Variants in ICOS observed in about 807,000 individuals in gnomAD.
ICOS encodes the protein inducible T-cell costimulator.
A neutral mutation model predicts 24.6 loss-of-function variants in ICOS; 15 were observed. That is an observed-to-expected ratio of 0.61 (90% confidence interval 0.41 to 0.94). The LOEUF (loss-of-function observed/expected upper bound fraction) is 0.94, where lower values mean the gene tolerates loss of function less well. Ranked by LOEUF, ICOS falls within the 40% of genes least tolerant of loss-of-function variation. The probability of loss-of-function intolerance (pLI) is 0.00; values close to 1 mark genes in which losing one functional copy is unlikely to be tolerated. For missense variants in ICOS, 200 were observed against 233.0 expected (o/e 0.86, Z 0.92); for synonymous variants, 89 against 77.5 (o/e 1.15, Z -0.78).
rs990800057 is a variant in ICOS, at chr2:203,960,541, G to C, written c.*942G>C. The C allele has an allele frequency of 6.6e-6, 1 of 152,092 alleles. No individual in the cohort carries two copies. Among genetic ancestry groups the C allele is most frequent in the Non-Finnish European group, 1.5e-5 (1 of 68,028 alleles). The allele number at this position is 152,092 out of a possible 1,614,324, so 9.4% of individuals were successfully genotyped here. On this transcript the variant is annotated 3_prime_UTR_variant, in exon 5 of 5. Coordinates refer to ENST00000316386, the MANE Select transcript of ICOS (RefSeq NM_012092.4). The stretch of plus-strand genomic sequence containing the variant: ...TTCTACCATTATCTATGTTTTCATG[G>C]TGCTATTAATTACAAGTTTAGTTCT...
chr2:203,959,812 C>T lies in ICOS; in HGVS notation c.*213C>T. 2 of 622,400 alleles carry T rather than the reference C, an allele frequency of 3.2e-6. No homozygotes were observed. Among genetic ancestry groups the T allele is most frequent in the East Asian group, 5.7e-5 (2 of 35,336 alleles). 38.6% of individuals were successfully genotyped at this position (622,400 alleles called of 1,614,324 possible). The stretch of plus-strand genomic sequence containing the variant: ...TGCCGAGTCCTCTCAAAACAAACAC[C>T]CTCTTGCAACCAGCTTTGGAGAAAG... On this transcript the variant is annotated 3_prime_UTR_variant, in exon 5 of 5. Coordinates refer to ENST00000316386, the MANE Select transcript of ICOS (RefSeq NM_012092.4).
intron 1 of ICOS, among the ~76,000 whole-genome samples, chr2:203,946,111 A>C (rs1036387684): frequency 6.6e-6 from 1 of 152,216 alleles, no homozygotes; most frequent in African/African-American, 2.4e-5. Context: ...CCCTAGTACA[A>C]TAGTTTCAAA....
At chr2:203,958,441 T>C (rs575270330) in intron 4 of ICOS, among the ~76,000 whole-genome samples, 1 of 152,328 alleles carries the variant, frequency 6.6e-6, no homozygotes, top group Admixed American at 6.5e-5. Flanking sequence ...CTCAGTAACA[T>C]GGAAATTTGA....
chr2:203,951,071 A>G (rs1304102123), intron 1 of ICOS, among the ~76,000 whole-genome samples: 1 of 152,106 alleles, frequency 6.6e-6, no homozygotes, highest in Non-Finnish European at 1.5e-5. Context: ...CAAAAAAAAA[A>G]AAAAGAGTGT....
chr2:203,938,419 C>T (rs77177544), intron 1 of ICOS, among the ~76,000 whole-genome samples: 95 of 152,316 alleles, frequency 6.2e-4, no homozygotes, highest in Middle Eastern at 3.4e-3. Context: ...AGAAAGCAGA[C>T]AGATGTGCCT....
intron 1 of ICOS, among the ~76,000 whole-genome samples, chr2:203,950,944 C>T (rs1689960673): frequency 6.6e-6 from 1 of 151,976 alleles, no homozygotes; most frequent in Non-Finnish European, 1.5e-5. Flanking sequence ...ACTGTAGTCC[C>T]AGCTACTTGG....
At chr2:203,942,832 C>T (rs540122906) in intron 1 of ICOS, among the ~76,000 whole-genome samples, 2 of 152,112 alleles carry the variant, frequency 1.3e-5, no homozygotes, top group Admixed American at 1.3e-4. Flanking sequence ...AGTGTGTGTA[C>T]CCTGGTGTCA....
intron 1 of ICOS, among the ~76,000 whole-genome samples, chr2:203,946,597 G>GT (rs541858718): frequency 3.9e-4 from 59 of 152,082 alleles, no homozygotes; most frequent in Non-Finnish European, 7.1e-4. Flanking sequence ...GGATCTAAAG[G>GT]TTTTAGCTGG....
At chr2:203,955,322 A>G (rs945722015) in intron 1 of ICOS, among the ~76,000 whole-genome samples, 12 of 152,262 alleles carry the variant, frequency 7.9e-5, no homozygotes, top group Non-Finnish European at 1.8e-4. Flanking sequence ...TCTGCCTCCA[A>G]TATGAAAGCT....
chr2:203,945,577 A>G (rs1023737701), intron 1 of ICOS, among the ~76,000 whole-genome samples: 4 of 152,194 alleles, frequency 2.6e-5, no homozygotes, highest in African/African-American at 4.8e-5. Flanking sequence ...TACCTAGGCT[A>G]TGTGGAGTAG....
intron 2 of ICOS, among the ~76,000 whole-genome samples, chr2:203,956,230 G>A (rs1690076341): frequency 6.6e-6 from 1 of 152,024 alleles, no homozygotes; most frequent in Non-Finnish European, 1.5e-5. Flanking sequence ...AAACACATAT[G>A]CTATTAAAAA....
chr2:203,946,665 C>T (rs999837324), intron 1 of ICOS, among the ~76,000 whole-genome samples: 1 of 152,056 alleles, frequency 6.6e-6, no homozygotes, highest in African/African-American at 2.4e-5. Context: ...GTAGGAAGTA[C>T]TTTTTTTTTT....
chr2:203,959,593 C>A lies in ICOS; in HGVS notation c.594C>A (p.Thr198=), dbSNP rs2105756985. Residue 198 remains threonine (T), a synonymous_variant, in exon 5 of 5, where the codon ACC becomes ACA. Transcript: ENST00000316386. ...GCTGAATTTTTGTTACAGATGTGAC[C>A]CTATAATATGGAACTCTGGCACCCA... ...TAKKSRLTDV[T]L is the part of the protein sequence containing the mutation. 1 of 1,612,868 alleles carries A rather than the reference C, an allele frequency of 6.2e-7. No homozygotes were observed. The highest frequency in any genetic ancestry group is 8.5e-7 in the Non-Finnish European group (1 of 1,179,180).
At chr2:203,938,546 G>C (rs752442519) in intron 1 of ICOS, among the ~76,000 whole-genome samples, 25 of 152,234 alleles carry the variant, frequency 1.6e-4, no homozygotes, top group Non-Finnish European at 2.9e-4. Context: ...TATAGTCTAT[G>C]TTCCAGATTT....
intron 1 of ICOS, among the ~76,000 whole-genome samples, chr2:203,942,237 A>G (rs1183650774): frequency 1.3e-5 from 2 of 152,240 alleles, no homozygotes; most frequent in Admixed American, 1.3e-4. Flanking sequence ...AAAAACAACA[A>G]TAACAACAAC....
At chr2:203,958,241 A>G (rs1001021849) in intron 4 of ICOS, among the ~76,000 whole-genome samples, 3 of 152,188 alleles carry the variant, frequency 2.0e-5, no homozygotes, top group African/African-American at 7.2e-5. Context: ...ATTGAGCATC[A>G]GTTAAGTGTG....
chr2:203,946,507 A>G (rs888345417), intron 1 of ICOS, among the ~76,000 whole-genome samples: 10 of 151,210 alleles, frequency 6.6e-5, no homozygotes, highest in African/African-American at 2.4e-4. Flanking sequence ...CCTTGCCTCA[A>G]TTACTTCTTT....
chr2:203,947,627 C>T (rs528877699), intron 1 of ICOS, among the ~76,000 whole-genome samples: 1 of 152,264 alleles, frequency 6.6e-6, no homozygotes, highest in African/African-American at 2.4e-5. Flanking sequence ...TTGTTAGCAG[C>T]AGTTAACAGT....
intron 1 of ICOS, among the ~76,000 whole-genome samples, chr2:203,948,425 C>T (rs1176266158): frequency 6.6e-6 from 1 of 152,166 alleles, no homozygotes; most frequent in Non-Finnish European, 1.5e-5. Context: ...CCTTTTGGCT[C>T]TTATATTATA....
Sources: gnomAD v4.1 joint callset for allele counts (sites outside exome capture counted in the v4.1 genomes callset) on GRCh38, gnomAD v4.1.1 for gene constraint, MANE v1.5 for transcripts, NCBI Gene and HGNC (gene_info 2026-07-23, HGNC 2026-07-21) for gene names.